The following CTNND2 variants were observed in gnomAD, a reference collection of about 807,000 sequenced individuals.
CTNND2 encodes catenin delta-2.
Under a neutral mutation model 144.4 loss-of-function variants are expected in CTNND2, and 22 were observed. The ratio of observed to expected loss-of-function variants is 0.15; its 90% CI spans 0.11 to 0.22. The LOEUF (loss-of-function observed/expected upper bound fraction) is 0.22, where lower values mean the gene tolerates loss of function less well. Ranked by LOEUF, CTNND2 falls within the 10% of genes least tolerant of loss-of-function variation. The pLI is 1.00. For missense variants in CTNND2, 1,353 were observed against 1,618.8 expected, an observed-to-expected ratio of 0.84 and a Z score of 2.82; for synonymous variants, 751 against 695.6, an observed-to-expected ratio of 1.08 and a Z score of -1.25.
chr5:11,874,425 C>A (rs1735399053), intron 1 of CTNND2, among the ~76,000 whole-genome samples: 1 of 152,086 alleles, frequency 6.6e-6, no homozygotes, highest in Non-Finnish European at 1.5e-5. Context: ...GGGAGATTAA[C>A]AATAACTAAT....
chr5:11,838,713 A>T (rs1490986311), intron 1 of CTNND2, among the ~76,000 whole-genome samples: 1 of 152,228 alleles, frequency 6.6e-6, no homozygotes, highest in Non-Finnish European at 1.5e-5. Flanking sequence ...TCATCATTAA[A>T]TATTACATTG....
intron 20 of CTNND2, among the ~76,000 whole-genome samples, chr5:10,983,336 G>A (rs1737536315): frequency 6.6e-6 from 1 of 152,082 alleles, no homozygotes; most frequent in South Asian, 2.1e-4. Flanking sequence ...TCTTGTGTCA[G>A]TGGGGTATAA....
At chr5:11,147,088 T>G (rs1757312774) in intron 12 of CTNND2, among the ~76,000 whole-genome samples, 1 of 152,206 alleles carries the variant, frequency 6.6e-6, no homozygotes, top group African/African-American at 2.4e-5. Context: ...AGCTATTTAT[T>G]CAGGATCTAC....
intron 9 of CTNND2, among the ~76,000 whole-genome samples, chr5:11,244,988 A>C (rs1742846447): frequency 6.6e-6 from 1 of 152,252 alleles, no homozygotes; most frequent in African/African-American, 2.4e-5. Context: ...ATGAGATAAG[A>C]TGACAAAACG....
At chr5:11,376,967 T>C (rs1407555418) in intron 7 of CTNND2, among the ~76,000 whole-genome samples, 2 of 151,876 alleles carry the variant, frequency 1.3e-5, no homozygotes, top group African/African-American at 4.8e-5. Flanking sequence ...TCCTATATTT[T>C]AATTGCTTAT....
At chr5:11,167,263 C>T (rs1759433567) in intron 11 of CTNND2, among the ~76,000 whole-genome samples, 1 of 152,156 alleles carries the variant, frequency 6.6e-6, no homozygotes, top group Admixed American at 6.5e-5. Flanking sequence ...TCTACAGTTG[C>T]CACATAACGC....
intron 16 of CTNND2, among the ~76,000 whole-genome samples, chr5:11,054,859 G>A (rs1481860754): frequency 6.6e-6 from 1 of 152,062 alleles, no homozygotes. Flanking sequence ...TATATAAAGA[G>A]CCTTTACATT....
intron 16 of CTNND2, among the ~76,000 whole-genome samples, chr5:11,048,323 C>CAAT (rs1745493072): frequency 6.6e-6 from 1 of 152,188 alleles, no homozygotes; most frequent in Non-Finnish European, 1.5e-5. Flanking sequence ...ATAAGCTATT[C>CAAT]CCTGAGTGAG....
chr5:11,540,964 C>T (rs1774676878), intron 3 of CTNND2, among the ~76,000 whole-genome samples: 1 of 152,186 alleles, frequency 6.6e-6, no homozygotes, highest in African/African-American at 2.4e-5. Flanking sequence ...ATGCTCTAAA[C>T]TTGTCTCATT....
At chr5:11,079,927 T>C (rs549306140) in intron 16 of CTNND2, among the ~76,000 whole-genome samples, 3 of 152,300 alleles carry the variant, frequency 2.0e-5, no homozygotes, top group South Asian at 4.1e-4. Flanking sequence ...ATAATGTTTT[T>C]GGATTTGACT....
chr5:11,174,533 C>T (rs1334524091), intron 11 of CTNND2, among the ~76,000 whole-genome samples: 1 of 151,884 alleles, frequency 6.6e-6, no homozygotes, highest in Non-Finnish European at 1.5e-5. Flanking sequence ...TTAAATATCA[C>T]AAGTAATTTG....
chr5:11,197,010 C>G (rs1242938926), intron 11 of CTNND2, among the ~76,000 whole-genome samples: 1 of 152,214 alleles, frequency 6.6e-6, no homozygotes, highest in Admixed American at 6.5e-5. Context: ...TCCAGGCCCC[C>G]TCAGGTTTCT....
At chr5:11,598,533 T>C (rs1442540499) in intron 2 of CTNND2, among the ~76,000 whole-genome samples, 1 of 152,328 alleles carries the variant, frequency 6.6e-6, no homozygotes, top group East Asian at 1.9e-4. Flanking sequence ...ATTTAAATGG[T>C]ATAGTGTTGT....
At chr5:11,120,325 G>C (rs200511446) in intron 12 of CTNND2, among the ~76,000 whole-genome samples, 8 of 140,268 alleles carry the variant, frequency 5.7e-5, no homozygotes, top group East Asian at 4.4e-4. Context: ...TGTCTGAAGG[G>C]GTGATGAGGC....
At chr5:11,636,778 G>C (rs1252962442) in intron 2 of CTNND2, among the ~76,000 whole-genome samples, 2 of 152,198 alleles carry the variant, frequency 1.3e-5, no homozygotes, top group Non-Finnish European at 2.9e-5. Context: ...TACGCACAGA[G>C]AGCAAGTTTA....
At position 11,903,159 on chromosome 5, in the gene CTNND2, C is replaced by A. The variant is rs1738048587; in HGVS notation, c.37+658G>T. ...ATCGCTCATCTCCCATACACACGCA[C>A]AGCCTTCCAAACCTGGCTTTCAGGC... is the stretch of plus-strand genomic sequence containing the variant. On this transcript the variant is annotated intron_variant, in intron 1 of 21. Coordinates refer to ENST00000304623, the MANE Select transcript of CTNND2 (RefSeq NM_001332.4). This position sits in a 1 kb window ranked among gnomAD's most constrained non-coding sequence, Gnocchi z 5.4. 3 of 984,340 alleles carry A rather than the reference C, an allele frequency of 3.0e-6. No individual in the cohort carries two copies. Among genetic ancestry groups the A allele is most frequent in the South Asian group, 9.4e-5 (2 of 21,268 alleles). 61.0% of individuals were successfully genotyped at this position (984,340 alleles called of 1,614,324 possible).
intron 16 of CTNND2, among the ~76,000 whole-genome samples, chr5:11,037,881 T>C (rs1744257536): frequency 6.6e-6 from 1 of 152,182 alleles, no homozygotes. Flanking sequence ...ATATATTGAT[T>C]GGTCTGAAAC....
At chr5:11,439,365 T>A (rs1764047068) in intron 3 of CTNND2, among the ~76,000 whole-genome samples, 1 of 152,168 alleles carries the variant, frequency 6.6e-6, no homozygotes, top group Non-Finnish European at 1.5e-5. Flanking sequence ...GGATCTTCGG[T>A]CCACTATTTG....
chr5:11,256,024 C>T (rs1012504285), intron 9 of CTNND2, among the ~76,000 whole-genome samples: 1 of 152,204 alleles, frequency 6.6e-6, no homozygotes, highest in Non-Finnish European at 1.5e-5. Context: ...CCCTGCGTTC[C>T]GGCCACTGCC....
Sources: gnomAD v4.1 joint callset for allele counts (sites outside exome capture counted in the v4.1 genomes callset) on GRCh38, gnomAD v4.1.1 for gene constraint, Gnocchi (gnomAD v3.1) non-coding constraint, MANE v1.5 for transcripts, NCBI Gene and HGNC (gene_info 2026-07-23, HGNC 2026-07-21) for gene names.